GABRB2: variants seen among roughly 807,000 people sequenced by gnomAD.
The protein encoded by GABRB2 is gamma-aminobutyric acid type A receptor subunit beta2.
In GABRB2, 16 loss-of-function variants were observed where a neutral mutation model predicts 54.7. The ratio of observed to expected loss-of-function variants is 0.29; its 90% CI spans 0.20 to 0.44. The LOEUF is 0.44. GABRB2 is among the 20% of genes least tolerant of loss of function. The pLI is 1.00. For synonymous variants in GABRB2, 244 were observed against 233.8 expected, an observed-to-expected ratio of 1.04 and a Z score of -0.40; for missense variants, 355 against 644.0, an observed-to-expected ratio of 0.55 and a Z score of 4.86.
At chr5:161,390,236 A>G (rs768650290) in intron 5 of GABRB2, among the ~76,000 whole-genome samples, 1 of 152,044 alleles carries the variant, frequency 6.6e-6, no homozygotes, top group African/African-American at 2.4e-5. Context: ...AATTTTGTGT[A>G]CTTTCTTAAA....
In GABRB2 at chr5:161,292,504, A is replaced by C. The variant is rs767232183; in HGVS notation, c.*1577T>G. 9 of 152,210 alleles carry C rather than the reference A, an allele frequency of 5.9e-5. No individual in the cohort carries two copies. Among genetic ancestry groups the C allele is most frequent in the Non-Finnish European group, 1.2e-4 (8 of 68,024 alleles). 9.4% of individuals were successfully genotyped at this position (152,210 alleles called of 1,614,324 possible). A position where few individuals can be genotyped will look rare whatever the true frequency, so the allele number is the denominator to read the frequency against. On this transcript the variant is annotated 3_prime_UTR_variant, in exon 10 of 10. Coordinates refer to ENST00000393959, the MANE Select transcript of GABRB2 (RefSeq NM_001371727.1). ...GTCCAACATATGAATGCTTATGTCC[A>C]ATTAGTGTAGAAAGAAGCACAATGG... is the stretch of plus-strand genomic sequence containing the variant.
chr5:161,315,855 G>C (rs993356455), intron 9 of GABRB2, among the ~76,000 whole-genome samples: 2 of 152,046 alleles, frequency 1.3e-5, no homozygotes, highest in African/African-American at 2.4e-5. Flanking sequence ...TCATTTTTAG[G>C]ACAGAAATCA....
At chr5:161,424,583 A>G (rs1333442206) in intron 4 of GABRB2, among the ~76,000 whole-genome samples, 2 of 152,164 alleles carry the variant, frequency 1.3e-5, no homozygotes, top group Non-Finnish European at 2.9e-5. Flanking sequence ...CTCAGAAAAC[A>G]TAGGTTCCTT....
At chr5:161,423,092 G>T (rs1756897973) in intron 4 of GABRB2, among the ~76,000 whole-genome samples, 2 of 152,058 alleles carry the variant, frequency 1.3e-5, no homozygotes, top group Non-Finnish European at 2.9e-5. Flanking sequence ...TTTCAATTCA[G>T]TTTTTTAATT....
At chr5:161,475,044 G>T (rs1415544348) in intron 3 of GABRB2, among the ~76,000 whole-genome samples, 2 of 151,856 alleles carry the variant, frequency 1.3e-5, no homozygotes, top group African/African-American at 4.8e-5. Context: ...GAGAGGGAGA[G>T]GGTGCAATGA....
chr5:161,517,755 C>A (rs1212584098), intron 3 of GABRB2, among the ~76,000 whole-genome samples: 2 of 151,800 alleles, frequency 1.3e-5, no homozygotes, highest in Admixed American at 1.3e-4. Flanking sequence ...CACATCTTAT[C>A]TAAATTCTGG....
Position 161,485,734 on chromosome 5 carries a change from A to C in GABRB2, c.238-25890T>G, listed in dbSNP as rs554504694. 5.3e-4 allele frequency among the ~76,000 whole-genome samples: 81 copies of C among 152,040 alleles called. 1 individual carries two copies. The highest frequency in any genetic ancestry group is 5.2e-3 in the Admixed American group (79 of 15,244). The stretch of plus-strand genomic sequence containing the variant: ...TTAGATTATTTCATCCTCCTAGTTC[A>C]TAGATTGCCATGTGATTCAAGCTAG... On this transcript the variant is annotated intron_variant, in intron 3 of 9. Coordinates refer to ENST00000393959, the MANE Select transcript of GABRB2 (RefSeq NM_001371727.1).
intron 5 of GABRB2, among the ~76,000 whole-genome samples, chr5:161,376,104 T>G (rs1200887961): frequency 1.3e-5 from 2 of 152,172 alleles, no homozygotes; most frequent in African/African-American, 4.8e-5. Flanking sequence ...AAAAAAAATT[T>G]AAATGGTTCT....
chr5:161,544,664 C>G (rs759479884), intron 3 of GABRB2, among the ~76,000 whole-genome samples: 1 of 152,096 alleles, frequency 6.6e-6, no homozygotes, highest in Non-Finnish European at 1.5e-5. Context: ...CTTTTAGAAA[C>G]AGGATGGCCA....
intron 5 of GABRB2, among the ~76,000 whole-genome samples, chr5:161,359,619 C>G (rs1383005370): frequency 6.6e-6 from 1 of 152,096 alleles, no homozygotes; most frequent in Non-Finnish European, 1.5e-5. Flanking sequence ...ATTTGCCAAA[C>G]ACTATAAAAT....
chr5:161,542,071 CA>C (rs1390465067), intron 3 of GABRB2, among the ~76,000 whole-genome samples: 1 of 152,180 alleles, frequency 6.6e-6, no homozygotes, highest in Non-Finnish European at 1.5e-5. Flanking sequence ...GGGAGACGGA[CA>C]GGGGGATGAC....
chr5:161,393,015 G>A (rs1346467830), intron 5 of GABRB2, among the ~76,000 whole-genome samples: 11 of 151,854 alleles, frequency 7.2e-5, no homozygotes, highest in Non-Finnish European at 1.3e-4. Flanking sequence ...TCTTCTAACC[G>A]GGATGCAGAA....
At chr5:161,440,030 T>A (rs1757420938) in intron 4 of GABRB2, among the ~76,000 whole-genome samples, 1 of 109,612 alleles carries the variant, frequency 9.1e-6, no homozygotes, top group Non-Finnish European at 1.9e-5. Context: ...GGTTAAAAAA[T>A]ACTATTTGCA....
At chr5:161,388,767 T>A (rs1169070453) in intron 5 of GABRB2, among the ~76,000 whole-genome samples, 2 of 151,924 alleles carry the variant, frequency 1.3e-5, no homozygotes, top group Non-Finnish European at 2.9e-5. Context: ...CATCACCAAA[T>A]CTTTAGCCTT....
At chr5:161,482,959 T>C (rs1318390094) in intron 3 of GABRB2, among the ~76,000 whole-genome samples, 1 of 152,082 alleles carries the variant, frequency 6.6e-6, no homozygotes, top group Non-Finnish European at 1.5e-5. Context: ...ATAGTTCCAC[T>C]AATTTTTCAA....
intron 3 of GABRB2, among the ~76,000 whole-genome samples, chr5:161,490,760 G>C (rs147644810): frequency 9.9e-5 from 15 of 151,688 alleles, no homozygotes; most frequent in Admixed American, 9.9e-4. Flanking sequence ...ATAAAAACAC[G>C]TAAGTGCCTC....
intron 5 of GABRB2, among the ~76,000 whole-genome samples, chr5:161,359,440 G>GACACACAC (rs57251440): frequency 0.015 from 2,180 of 147,794 alleles, 53 homozygotes; most frequent in African/African-American, 0.05. Flanking sequence ...AATTGCATCT[G>GACACACAC]ACACACACAC....
intron 9 of GABRB2, among the ~76,000 whole-genome samples, chr5:161,297,617 C>CT (rs1757420123): frequency 6.6e-6 from 1 of 152,038 alleles, no homozygotes; most frequent in Admixed American, 6.6e-5. Context: ...TGGACTCGTC[C>CT]TTTTTTATGG....
intron 3 of GABRB2, among the ~76,000 whole-genome samples, chr5:161,521,681 A>G (rs1760120330): frequency 6.6e-6 from 1 of 151,910 alleles, no homozygotes; most frequent in Admixed American, 6.6e-5. Context: ...ATTGTTGTAC[A>G]TATTTATACT....
Sources: allele counts gnomAD v4.1 joint callset (sites outside exome capture counted in the v4.1 genomes callset), GRCh38; gene constraint gnomAD v4.1.1; transcripts MANE v1.5; gene names NCBI Gene and HGNC (gene_info 2026-07-23, HGNC 2026-07-21).